Variants in KLF17 observed in about 807,000 individuals in gnomAD.
The protein encoded by KLF17 is Krueppel-like factor 17.
A neutral mutation model predicts 34.2 loss-of-function variants in KLF17; 31 were observed. The ratio of observed to expected loss-of-function variants is 0.91; its 90% CI spans 0.68 to 1.22. The LOEUF is 1.22. Among genes scored for constraint, KLF17 ranks in the 50% most tolerant of loss-of-function variants. The pLI, the probability that KLF17 is intolerant of heterozygous loss-of-function variation, is 0.00. For missense variants in KLF17, 478 were observed against 505.2 expected (o/e 0.95, Z 0.52); for synonymous variants, 179 against 186.7 (o/e 0.96, Z 0.34).
the KLF17 span, among the ~76,000 whole-genome samples, chr1:44,054,728 G>A: frequency 4.7e-5 from 7 of 148,986 alleles, no homozygotes; most frequent in East Asian, 2.0e-4. Context: ...TGATCCACCC[G>A]CCTTGGCCTC....
chr1:44,069,222 CT>C, the KLF17 span, among the ~76,000 whole-genome samples: 1 of 152,130 alleles, frequency 6.6e-6, no homozygotes, highest in African/African-American at 2.4e-5. This position sits in a 1 kb window ranked among gnomAD's most constrained non-coding sequence, Gnocchi z 4.7. Context: ...GGGAGGAGGG[CT>C]TTCCTGGGCA....
chr1:44,118,773 C>A, upstream of KLF17: 1 of 675,576 alleles, frequency 1.5e-6, no homozygotes, highest in Non-Finnish European at 2.4e-6. Flanking sequence ...GGGCCTGACC[C>A]CGCCCCTTGG....
At chr1:44,122,505 A>C in intron 1 of KLF17, 1 of 974,060 alleles carries the variant, frequency 1.0e-6, no homozygotes, top group Admixed American at 1.7e-5. Flanking sequence ...AAATCTCACG[A>C]GCTTCATCCT....
chr1:44,071,256 A>G, the KLF17 span, among the ~76,000 whole-genome samples: 1 of 152,028 alleles, frequency 6.6e-6, no homozygotes, highest in Non-Finnish European at 1.5e-5. Context: ...TCTTCCTGGA[A>G]ATGTTTGTGT....
chr1:44,099,845 GA>G, the KLF17 span, among the ~76,000 whole-genome samples: 18 of 35,978 alleles, frequency 5.0e-4, 1 homozygote, highest in African/African-American at 2.6e-3. Context: ...AAGAAAGAAA[GA>G]AAGAAAGAAA....
the KLF17 span, among the ~76,000 whole-genome samples, chr1:44,068,088 G>T: frequency 6.6e-6 from 1 of 150,460 alleles, no homozygotes; most frequent in Non-Finnish European, 1.5e-5. Flanking sequence ...GCAGTGGTGT[G>T]ATCTCGGCTC....
the KLF17 span, among the ~76,000 whole-genome samples, chr1:44,091,635 C>CAAAAAAAAAAAAAAAAAAAA: frequency 1.0e-4 from 8 of 79,032 alleles, no homozygotes; most frequent in South Asian, 4.4e-4. Context: ...GACTCCATCT[C>CAAAAAAAAAAAAAAAAAAAA]AAAAAAAAAA....
At chr1:44,085,262 T>C in the KLF17 span, among the ~76,000 whole-genome samples, 2 of 152,116 alleles carry the variant, frequency 1.3e-5, no homozygotes, top group South Asian at 4.1e-4. Context: ...GGTACAGAAG[T>C]AAATTATATG....
the KLF17 span, among the ~76,000 whole-genome samples, chr1:44,061,872 C>T: frequency 0.011 from 1,668 of 152,174 alleles, 34 homozygotes; most frequent in African/African-American, 0.039. Context: ...GAGCTGAGAT[C>T]GCACCACAGC....
the KLF17 span, among the ~76,000 whole-genome samples, chr1:44,049,177 T>C: frequency 1.3e-5 from 2 of 152,176 alleles, no homozygotes; most frequent in African/African-American, 4.8e-5. Flanking sequence ...GCAAGCTCTC[T>C]GGTCTCTTCT....
upstream of KLF17, among the ~76,000 whole-genome samples, chr1:44,116,696 C>T (rs2087882407): frequency 6.6e-6 from 1 of 152,190 alleles, no homozygotes; most frequent in Non-Finnish European, 1.5e-5. Flanking sequence ...ATTTCAACCT[C>T]TCAGGTTCTT....
At chr1:44,089,979 T>C in the KLF17 span, among the ~76,000 whole-genome samples, 2 of 151,496 alleles carry the variant, frequency 1.3e-5, no homozygotes, top group Admixed American at 1.3e-4. Context: ...CTGGCCAACA[T>C]GGTGAAAACC....
the KLF17 span, among the ~76,000 whole-genome samples, chr1:44,113,083 T>C: frequency 2.0e-5 from 3 of 152,214 alleles, no homozygotes; most frequent in African/African-American, 7.2e-5. Context: ...TTCTCATAGG[T>C]AACCTCAAAG....
intron 1 of KLF17, among the ~76,000 whole-genome samples, chr1:44,121,826 T>G (rs2087949042): frequency 6.6e-6 from 1 of 152,182 alleles, no homozygotes; most frequent in Non-Finnish European, 1.5e-5. Flanking sequence ...TTGGTGATAC[T>G]TGTATTAAGG....
intron 1 of KLF17, chr1:44,122,237 C>A: frequency 6.2e-7 from 1 of 1,604,772 alleles, no homozygotes; most frequent in Non-Finnish European, 8.5e-7. Flanking sequence ...CAACAGCTTC[C>A]CTTTTCTTAG....
At chr1:44,116,622 C>T (rs1288705301), upstream of KLF17, among the ~76,000 whole-genome samples, 1 of 152,238 alleles carries the variant, frequency 6.6e-6, no homozygotes, top group Non-Finnish European at 1.5e-5. Context: ...TTCTACTGCA[C>T]TTGGTTTTGT....
the KLF17 span, among the ~76,000 whole-genome samples, chr1:44,102,615 G>GA: frequency 1.1e-3 from 75 of 70,146 alleles, no homozygotes; most frequent in Middle Eastern, 8.1e-3. Context: ...CACACACACA[G>GA]AAAAGAAAAA....
At chr1:44,094,561 CT>C in the KLF17 span, among the ~76,000 whole-genome samples, 1 of 152,166 alleles carries the variant, frequency 6.6e-6, no homozygotes, top group Non-Finnish European at 1.5e-5. Context: ...CTGACTATGG[CT>C]ATCCATTTTC....
At chr1:44,058,404 C>T in the KLF17 span, among the ~76,000 whole-genome samples, 2 of 152,124 alleles carry the variant, frequency 1.3e-5, no homozygotes. Flanking sequence ...GATTCTCCTG[C>T]CTCAGGCTCC....
Sources: gnomAD v4.1 joint callset for allele counts (sites outside exome capture counted in the v4.1 genomes callset) on GRCh38, gnomAD v4.1.1 for gene constraint, Gnocchi (gnomAD v3.1) non-coding constraint, MANE v1.5 for transcripts, NCBI Gene and HGNC (gene_info 2026-07-23, HGNC 2026-07-21) for gene names.